The following MUC7 variants were observed in gnomAD, a reference collection of about 807,000 sequenced individuals.
The protein encoded by MUC7 is mucin 7, secreted, also known as mucin-7.
MUC7 carries 2 observed loss-of-function variants against 2.5 expected under a neutral mutation model. The observed-to-expected ratio is 0.81, with a 90% confidence interval of 0.33 to 2.55. The LOEUF is 2.55. Ranked by LOEUF, MUC7 falls within the 30% of genes most tolerant of loss-of-function variation. The pLI is 0.11. For missense variants in MUC7, 408 were observed against 455.6 expected, an observed-to-expected ratio of 0.90 and a Z score of 0.95; for synonymous variants, 133 against 173.4, an observed-to-expected ratio of 0.77 and a Z score of 1.83.
intron 1 of MUC7, among the ~76,000 whole-genome samples, chr4:70,463,330 T>TG (rs1734603571): frequency 1.3e-5 from 2 of 152,204 alleles, no homozygotes; most frequent in African/African-American, 4.8e-5. Context: ...GAAAATCCAT[T>TG]GGGGCTGGGG....
chr4:70,435,045 A>C (rs963638465), intron 1 of MUC7, among the ~76,000 whole-genome samples: 14 of 152,080 alleles, frequency 9.2e-5, no homozygotes, highest in Non-Finnish European at 2.1e-4. Context: ...CCTGAGTTCT[A>C]GTTTGATTGC....
chr4:70,434,977 T>C (rs1733788935), intron 1 of MUC7, among the ~76,000 whole-genome samples: 1 of 152,222 alleles, frequency 6.6e-6, no homozygotes, highest in African/African-American at 2.4e-5. Flanking sequence ...CAGTAGTCAT[T>C]CAGGAGCAGA....
At chr4:70,480,671 C>T in intron 2 of MUC7, 128 bp from the exon 3 acceptor site, 3 of 947,040 alleles carry the variant, frequency 3.2e-6, no homozygotes, top group Non-Finnish European at 4.6e-6. Flanking sequence ...AATCACTTGA[C>T]TCAATAATGT....
At chr4:70,435,274 G>C (rs923739615) in intron 1 of MUC7, among the ~76,000 whole-genome samples, 32 of 152,114 alleles carry the variant, frequency 2.1e-4, no homozygotes, top group African/African-American at 7.5e-4. Context: ...TTAATTTACT[G>C]TCTCGTTGAT....
intron 1 of MUC7, among the ~76,000 whole-genome samples, chr4:70,439,942 G>T (rs893974057): frequency 6.6e-6 from 1 of 151,980 alleles, no homozygotes; most frequent in Non-Finnish European, 1.5e-5. Context: ...ACTATGACCA[G>T]AAACTCTGTT....
chr4:70,473,939 T>TA, intron 1 of MUC7, 68 bp from the exon 2 acceptor site: 1 of 1,135,904 alleles, frequency 8.8e-7, no homozygotes, highest in Non-Finnish European at 1.3e-6. Flanking sequence ...AAATAAGTTA[T>TA]TTACCAAAAC....
intron 2 of MUC7, among the ~76,000 whole-genome samples, chr4:70,479,195 T>G (rs1279968772): frequency 6.6e-6 from 1 of 152,202 alleles, no homozygotes; most frequent in African/African-American, 2.4e-5. Flanking sequence ...TATGAAATGA[T>G]TCGGATTAAA....
At chr4:70,460,556 G>A (rs1370106456) in intron 1 of MUC7, among the ~76,000 whole-genome samples, 1 of 151,930 alleles carries the variant, frequency 6.6e-6, no homozygotes, top group African/African-American at 2.4e-5. Flanking sequence ...TTTACCGGTG[G>A]GGTCACTTCT....
At chr4:70,450,048 C>T (rs770139701) in intron 1 of MUC7, among the ~76,000 whole-genome samples, 5 of 152,212 alleles carry the variant, frequency 3.3e-5, no homozygotes, top group Admixed American at 6.5e-5. Flanking sequence ...TGGTGAGGTC[C>T]GCCATTCCCC....
chr4:70,458,416 TG>T (rs1020942784), intron 1 of MUC7, among the ~76,000 whole-genome samples: 2 of 152,150 alleles, frequency 1.3e-5, no homozygotes, highest in African/African-American at 4.8e-5. Context: ...GATAAGTTCA[TG>T]GGTGTTCACT....
At chr4:70,479,035 G>A (rs910182782) in intron 2 of MUC7, among the ~76,000 whole-genome samples, 3 of 152,196 alleles carry the variant, frequency 2.0e-5, no homozygotes, top group Non-Finnish European at 4.4e-5. Context: ...GATGGATGTT[G>A]TGGAGAATGT....
At chr4:70,478,697 G>T (rs1336803740) in intron 2 of MUC7, among the ~76,000 whole-genome samples, 2 of 152,152 alleles carry the variant, frequency 1.3e-5, no homozygotes, top group Non-Finnish European at 2.9e-5. Context: ...GGAATGTGAG[G>T]CCCTCAATCC....
At chr4:70,455,352 G>T (rs1251690358) in intron 1 of MUC7, among the ~76,000 whole-genome samples, 1 of 152,024 alleles carries the variant, frequency 6.6e-6, no homozygotes, top group African/African-American at 2.4e-5. Context: ...GTCATACATT[G>T]TTTCTGATCT....
intron 1 of MUC7, among the ~76,000 whole-genome samples, chr4:70,432,222 C>T (rs11729595): frequency 0.095 from 14,529 of 152,188 alleles, 933 homozygotes; most frequent in African/African-American, 0.17. Context: ...GTGCATGTGT[C>T]TTTATAGCAG....
intron 1 of MUC7, among the ~76,000 whole-genome samples, chr4:70,448,342 A>T (rs747923316): frequency 6.6e-6 from 1 of 152,162 alleles, no homozygotes; most frequent in Non-Finnish European, 1.5e-5. Flanking sequence ...CTCAATTTTC[A>T]GTCATTTGAG....
At chr4:70,431,829 T>C (rs1016879138) in intron 1 of MUC7, among the ~76,000 whole-genome samples, 1 of 152,118 alleles carries the variant, frequency 6.6e-6, no homozygotes, top group African/African-American at 2.4e-5. Flanking sequence ...ACATGTGCCA[T>C]GTTGGTGTGC....
At chr4:70,434,341 A>G (rs777966176) in intron 1 of MUC7, among the ~76,000 whole-genome samples, 2 of 152,158 alleles carry the variant, frequency 1.3e-5, no homozygotes, top group Non-Finnish European at 2.9e-5. Context: ...CTGTGAATCC[A>G]TCTGGTCCTG....
At chr4:70,440,814 G>GAAAT (rs1372989565) in intron 1 of MUC7, among the ~76,000 whole-genome samples, 2 of 152,028 alleles carry the variant, frequency 1.3e-5, no homozygotes, top group Non-Finnish European at 2.9e-5. Context: ...GGGAGGGAAA[G>GAAAT]AGAATGGATG....
chr4:70,481,637 C>A lies in MUC7; in HGVS notation c.893C>A (p.Pro298Gln). The change falls in exon 3 of 3, where the codon CCA becomes CAA. Residue 298 changes from proline to glutamine, a missense_variant. Physicochemically the swap from Pro to Gln is moderately conservative, Grantham distance 76. Around this residue, in one of 3 missense-constraint regions of MUC7, gnomAD observed 175 missense variants for 187.1 expected, o/e 0.94. Coordinates refer to ENST00000304887, the MANE Select transcript of MUC7 (RefSeq NM_152291.3). ...SATTPAPPSSPAPQETTAAPI... is the reference protein window; with the variant it reads ...SATTPAPPSSQAPQETTAAPI... ...ACTACACCAGCTCCACCGTCTTCCCCAGCTCCACAAGAGACCACAGCTGCC... is the reference window on the plus strand; with the variant it reads ...ACTACACCAGCTCCACCGTCTTCCCAAGCTCCACAAGAGACCACAGCTGCC... 8 of 1,613,840 alleles carry A rather than the reference C, an allele frequency of 5.0e-6. No homozygotes were observed. Among genetic ancestry groups the A allele is most frequent in the Non-Finnish European group, 6.8e-6 (8 of 1,179,820 alleles).
Sources: gnomAD v4.1 joint callset for allele counts (sites outside exome capture counted in the v4.1 genomes callset) on GRCh38, gnomAD v4.1.1 for gene constraint, gnomAD v4.1.1 regional missense constraint, MANE v1.5 for transcripts, NCBI Gene and HGNC (gene_info 2026-07-23, HGNC 2026-07-21) for gene names.